Variants in GOLIM4 observed in about 807,000 individuals in gnomAD.
GOLIM4 encodes the protein golgi integral membrane protein 4, also known as 130 kDa golgi-localized phosphoprotein.
A neutral mutation model predicts 107.4 loss-of-function variants in GOLIM4; 71 were observed. The ratio of observed to expected loss-of-function variants is 0.66; its 90% confidence interval spans 0.55 to 0.81. The LOEUF (loss-of-function observed/expected upper bound fraction) is 0.81, where lower values mean the gene tolerates loss of function less well. Among genes scored for constraint, GOLIM4 ranks in the 30% least tolerant of loss-of-function variants. The pLI is 0.00. For synonymous variants in GOLIM4, 327 were observed against 294.8 expected (o/e 1.11, Z -1.12); for missense variants, 830 against 826.1 (o/e 1.00, Z -0.06).
intron 1 of GOLIM4, among the ~76,000 whole-genome samples, chr3:168,092,978 G>A (rs895681934): frequency 7.2e-5 from 11 of 152,134 alleles, no homozygotes; most frequent in Non-Finnish European, 1.2e-4. Flanking sequence ...GGACTTTGAA[G>A]CCACTTATTC....
chr3:168,048,501 C>T, intron 1 of GOLIM4, 136 bp from the exon 2 acceptor site: 1 of 578,524 alleles, frequency 1.7e-6, no homozygotes, highest in East Asian at 2.9e-5. Flanking sequence ...GTTTTAAGTT[C>T]CCCTTTCCAG....
chr3:168,036,695 G>C (rs967389122), intron 8 of GOLIM4, 141 bp downstream of exon 8: 1 of 609,928 alleles, frequency 1.6e-6, no homozygotes, highest in African/African-American at 1.8e-5. Flanking sequence ...GTTTTATCAC[G>C]CCCTACTGGC....
At chr3:168,039,571 T>G (rs1718862250) in intron 7 of GOLIM4, among the ~76,000 whole-genome samples, 1 of 152,154 alleles carries the variant, frequency 6.6e-6, no homozygotes, top group Non-Finnish European at 1.5e-5. Context: ...GCCAAAATTT[T>G]TTTTTCTATT....
intron 8 of GOLIM4, among the ~76,000 whole-genome samples, chr3:168,033,125 G>T (rs1195063293): frequency 6.6e-6 from 1 of 152,118 alleles, no homozygotes; most frequent in Non-Finnish European, 1.5e-5. Flanking sequence ...CAATATCTCA[G>T]AAGTACTCTA....
intron 1 of GOLIM4, among the ~76,000 whole-genome samples, chr3:168,062,524 G>T (rs1021308428): frequency 1.1e-4 from 16 of 151,422 alleles, no homozygotes; most frequent in Non-Finnish European, 1.9e-4. Flanking sequence ...TTTTTAAAAA[G>T]ATTTTGTCAG....
chr3:168,062,501 G>A (rs983273262), intron 1 of GOLIM4, among the ~76,000 whole-genome samples: 2 of 151,600 alleles, frequency 1.3e-5, no homozygotes, highest in African/African-American at 4.9e-5. Context: ...TATTTTCAAA[G>A]CTGCCATACC....
In GOLIM4 at chr3:168,041,424, G is replaced by T; in HGVS notation, c.568C>A (p.Gln190Lys). ...TCTTGAAGCTGTGTATGTATGTCTTGGTGTGCTTTCCTTAGTTGTCTATTC... is the reference window on the plus strand; with the variant it reads ...TCTTGAAGCTGTGTATGTATGTCTTTGTGTGCTTTCCTTAGTTGTCTATTC... The part of the protein sequence containing the change: ...EENRQLRKAH[Q>K]DIHTQLQDVK... The change falls in exon 6 of 16, where the codon CAA becomes AAA. Residue 190 changes from glutamine (Q) to lysine (K), a missense_variant. Gln to Lys is a moderately conservative substitution (Grantham distance 53, BLOSUM62 1). Coordinates refer to ENST00000470487, the MANE Select transcript of GOLIM4 (RefSeq NM_014498.5). 1 of 1,594,138 alleles carries T rather than the reference G, an allele frequency of 6.3e-7. No individual in the cohort carries two copies.
chr3:168,063,007 G>A (rs1430953271), intron 1 of GOLIM4, among the ~76,000 whole-genome samples: 4 of 152,138 alleles, frequency 2.6e-5, no homozygotes, highest in Non-Finnish European at 5.9e-5. Flanking sequence ...TTTAATCTAA[G>A]AAGCAAGTTG....
intron 7 of GOLIM4, among the ~76,000 whole-genome samples, chr3:168,039,109 T>C (rs1017321681): frequency 1.3e-5 from 2 of 152,132 alleles, no homozygotes; most frequent in South Asian, 4.1e-4. Context: ...GGTGTTTTGT[T>C]ATAGCAGCCC....
At chr3:168,069,642 T>C (rs779362446) in intron 1 of GOLIM4, among the ~76,000 whole-genome samples, 24 of 152,244 alleles carry the variant, frequency 1.6e-4, no homozygotes, top group Non-Finnish European at 3.2e-4. Flanking sequence ...GAATATTTCA[T>C]TTCCTGACTA....
intron 1 of GOLIM4, among the ~76,000 whole-genome samples, chr3:168,068,355 CTT>C (rs1720655502): frequency 6.6e-6 from 1 of 151,840 alleles, no homozygotes; most frequent in African/African-American, 2.4e-5. Flanking sequence ...TCATTCAACA[CTT>C]TGTGTAAGAA....
intron 10 of GOLIM4, 43 bp downstream of exon 10, chr3:168,029,729 TGAAAACTG>T: frequency 6.3e-7 from 1 of 1,592,566 alleles, no homozygotes; most frequent in Non-Finnish European, 8.6e-7. Context: ...AATTTGCGTA[TGAAAACTG>T]GAGCAGGGGC....
chr3:168,055,801 CAAAA>C (rs35124035), intron 1 of GOLIM4, among the ~76,000 whole-genome samples: 1 of 104,034 alleles, frequency 9.6e-6, no homozygotes. Context: ...GACTCTGTCT[CAAAA>C]AAAAAAAAAA....
intron 9 of GOLIM4, 76 bp from the exon 10 acceptor site, chr3:168,030,112 C>CAGGAG: frequency 1.4e-6 from 2 of 1,422,150 alleles, no homozygotes; most frequent in Non-Finnish European, 1.9e-6. Flanking sequence ...TTTCTCCTGA[C>CAGGAG]AAACTCAGGA....
At chr3:168,066,868 T>A (rs1446729417) in intron 1 of GOLIM4, among the ~76,000 whole-genome samples, 1 of 152,150 alleles carries the variant, frequency 6.6e-6, no homozygotes, top group Non-Finnish European at 1.5e-5. Context: ...TTTAGTATGG[T>A]CTTCTTTCAA....
chr3:168,040,860 T>C lies in GOLIM4; in HGVS notation c.610A>G (p.Lys204Glu), dbSNP rs1718956938. The C allele has an allele frequency of 6.2e-7, 1 of 1,609,778 alleles. No individual in the cohort carries two copies. Among genetic ancestry groups the C allele is most frequent in the East Asian group, 2.2e-5 (1 of 44,846 alleles). Reference protein sequence around the residue: ...TQLQDVKQQHKNLLSEHEQLV... With the variant: ...TQLQDVKQQHENLLSEHEQLV... ...TGTTCATGCTCGGAGAGTAAATTCTTATGCTGTTGCTACACAAAAAAGAAT... is the reference window on the plus strand; with the variant it reads ...TGTTCATGCTCGGAGAGTAAATTCTCATGCTGTTGCTACACAAAAAAGAAT... Residue 204 changes from lysine (K) to glutamate (E), a missense_variant, in exon 7 of 16, where the codon AAG becomes GAG. Lys to Glu is a moderately conservative substitution (Grantham distance 56). Transcript: ENST00000470487.
intron 8 of GOLIM4, among the ~76,000 whole-genome samples, chr3:168,035,298 A>G (rs1431757556): frequency 6.6e-6 from 1 of 152,258 alleles, no homozygotes; most frequent in Non-Finnish European, 1.5e-5. Context: ...GCAAAATCCC[A>G]TTACTGGGTA....
chr3:168,011,880 A>G (rs1280255283), intron 14 of GOLIM4, among the ~76,000 whole-genome samples: 1 of 139,606 alleles, frequency 7.2e-6, no homozygotes. Flanking sequence ...CATCCACACC[A>G]AAAACCCATC....
At chr3:168,088,399 T>A (rs937248767) in intron 1 of GOLIM4, among the ~76,000 whole-genome samples, 2 of 152,164 alleles carry the variant, frequency 1.3e-5, no homozygotes, top group Non-Finnish European at 2.9e-5. Flanking sequence ...TAAATGGTAG[T>A]AGTAATATTC....
Sources: allele counts gnomAD v4.1 joint callset (sites outside exome capture counted in the v4.1 genomes callset), GRCh38; gene constraint gnomAD v4.1.1; transcripts MANE v1.5; gene names NCBI Gene and HGNC (gene_info 2026-07-23, HGNC 2026-07-21).